Variants in SPAG1 observed in about 807,000 individuals in gnomAD.
The protein encoded by SPAG1 is sperm associated antigen 1, also known as sperm-associated antigen 1.
Under a neutral mutation model 100.5 loss-of-function variants are expected in SPAG1, and 69 were observed. That is an observed-to-expected ratio of 0.69 (90% CI 0.57 to 0.84). SPAG1 has a LOEUF of 0.84. Ranked by LOEUF, SPAG1 falls within the 40% of genes least tolerant of loss-of-function variation. The pLI is 0.00. For missense variants in SPAG1, 955 were observed against 1,133.1 expected, an observed-to-expected ratio of 0.84 and a Z score of 2.26; for synonymous variants, 336 against 411.6, an observed-to-expected ratio of 0.82 and a Z score of 2.22.
intron 3 of SPAG1, among the ~76,000 whole-genome samples, chr8:100,176,217 T>C (rs1284535374): frequency 6.6e-6 from 1 of 152,246 alleles, no homozygotes; most frequent in Non-Finnish European, 1.5e-5. Flanking sequence ...CCAAACCTTT[T>C]TCTAAAATTC....
intron 10 of SPAG1, among the ~76,000 whole-genome samples, chr8:100,195,703 C>T (rs769335882): frequency 3.3e-5 from 5 of 152,110 alleles, no homozygotes; most frequent in Non-Finnish European, 5.9e-5. Context: ...TAAATCTTAT[C>T]TGAAGTGAGA....
At chr8:100,235,110 G>A (rs370222865) in intron 16 of SPAG1, among the ~76,000 whole-genome samples, 107 of 152,248 alleles carry the variant, frequency 7.0e-4, no homozygotes, top group Middle Eastern at 3.4e-3. Flanking sequence ...CTCAGCTTGC[G>A]GTGTTAATAG....
At chr8:100,188,569 C>T (rs2132272275) in intron 8 of SPAG1, among the ~76,000 whole-genome samples, 1 of 152,220 alleles carries the variant, frequency 6.6e-6, no homozygotes, top group South Asian at 2.1e-4. Flanking sequence ...ATTTTGATTC[C>T]CTGTCCCTCT....
chr8:100,218,510 GT>G lies in SPAG1; in HGVS notation c.1536-1768del, dbSNP rs1449472404. Among the ~76,000 whole-genome samples, 34 of 152,328 alleles carry G rather than the reference GT, an allele frequency of 2.2e-4. No individual in the cohort carries two copies. The East Asian group carries it at 6.5e-3, about 29-fold the overall frequency. ...ATTAAACTAAGCTAAATTTAAGGCA[GT>G]GGTACAGGTGACAGATCCTGATGCC... is the stretch of plus-strand genomic sequence containing the variant. On this transcript the variant is annotated intron_variant, in intron 12 of 18. Coordinates refer to ENST00000388798, the MANE Select transcript of SPAG1 (RefSeq NM_003114.5).
chr8:100,210,963 G>C (rs1277722656), intron 10 of SPAG1, among the ~76,000 whole-genome samples: 1 of 151,898 alleles, frequency 6.6e-6, no homozygotes, highest in African/African-American at 2.4e-5. Context: ...TGAGTAGCTG[G>C]GATTACAGGC....
chr8:100,167,980 T>C (rs1815640274), intron 3 of SPAG1, among the ~76,000 whole-genome samples: 1 of 152,250 alleles, frequency 6.6e-6, no homozygotes, highest in South Asian at 2.1e-4. Flanking sequence ...TGTTGTTGCA[T>C]GTGTCCATAG....
chr8:100,182,123 C>T (rs1442591461), intron 4 of SPAG1, among the ~76,000 whole-genome samples: 1 of 152,212 alleles, frequency 6.6e-6, no homozygotes, highest in Non-Finnish European at 1.5e-5. Flanking sequence ...TACCTTTCTT[C>T]AGACTATATA....
At chr8:100,208,941 G>C (rs3104189) in intron 10 of SPAG1, among the ~76,000 whole-genome samples, 68,792 of 151,896 alleles carry the variant, frequency 0.45, 16,700 homozygotes, top group African/African-American at 0.62. Context: ...GTGTCAACTT[G>C]ATTGGATTGA....
At chr8:100,170,426 T>C (rs1815762853) in intron 3 of SPAG1, among the ~76,000 whole-genome samples, 1 of 152,316 alleles carries the variant, frequency 6.6e-6, no homozygotes, top group African/African-American at 2.4e-5. Flanking sequence ...CAGTTTTGAG[T>C]GTACAGTTCA....
At chr8:100,240,284 G>T in intron 17 of SPAG1, 119 bp from the exon 18 acceptor site, 2 of 875,490 alleles carry the variant, frequency 2.3e-6, no homozygotes, top group South Asian at 2.6e-5. Flanking sequence ...TTTTCACTTG[G>T]AACTGGACTA....
Position 100,177,879 on chromosome 8 carries a change from C to T in SPAG1, c.364C>T (p.Pro122Ser), listed in dbSNP as rs1563776115. The change falls in exon 4 of 19, where the codon CCA becomes TCA. Residue 122 changes from proline (P) to serine (S), a missense_variant. By Grantham distance (74) the Pro-to-Ser change is moderately conservative. Coordinates refer to ENST00000388798, the MANE Select transcript of SPAG1 (RefSeq NM_003114.5). ...GCACTTTCATGAAACTGAGACATTTCCAGCAATGAAAGATAATTTGCCTCC... is the reference window on the plus strand; with the variant it reads ...GCACTTTCATGAAACTGAGACATTTTCAGCAATGAAAGATAATTTGCCTCC... Reference protein sequence around the residue: ...KMHFHETETFPAMKDNLPPVR... With the variant: ...KMHFHETETFSAMKDNLPPVR... 1.9e-6 allele frequency: 3 copies of T among 1,600,336 alleles called. No homozygotes were observed. The highest frequency in any genetic ancestry group is 2.6e-6 in the Non-Finnish European group (3 of 1,167,744).
At chr8:100,217,054 A>G (rs1818029076) in intron 12 of SPAG1, among the ~76,000 whole-genome samples, 1 of 149,026 alleles carries the variant, frequency 6.7e-6, no homozygotes, top group Admixed American at 6.8e-5. Context: ...CTCCTGCCTC[A>G]GCCTCCCGAG....
chr8:100,233,253 C>A, intron 15 of SPAG1, 158 bp from the exon 16 acceptor site: 1 of 733,524 alleles, frequency 1.4e-6, no homozygotes, highest in Non-Finnish European at 2.3e-6. Context: ...GTTGTATGCC[C>A]AGTGCCATAA....
intron 8 of SPAG1, among the ~76,000 whole-genome samples, chr8:100,190,312 C>CA (rs551371158): frequency 0.014 from 1,010 of 73,884 alleles, 7 homozygotes; most frequent in East Asian, 0.033. Flanking sequence ...GACTCTGTCT[C>CA]AAAAAAAAAA....
chr8:100,198,353 C>T (rs1386349116), intron 10 of SPAG1, among the ~76,000 whole-genome samples: 3 of 151,838 alleles, frequency 2.0e-5, no homozygotes, highest in Non-Finnish European at 4.4e-5. Flanking sequence ...ATAAAAAAAA[C>T]TAAAAGACAA....
chr8:100,186,238 C>A (rs1052298908), intron 7 of SPAG1, among the ~76,000 whole-genome samples: 2 of 151,594 alleles, frequency 1.3e-5, no homozygotes, highest in African/African-American at 2.4e-5. Context: ...GGATAATTTT[C>A]TCTTGTGTTT....
At chr8:100,208,870 A>C (rs1415321974) in intron 10 of SPAG1, among the ~76,000 whole-genome samples, 3 of 152,152 alleles carry the variant, frequency 2.0e-5, no homozygotes, top group Non-Finnish European at 4.4e-5. Context: ...GATTATGTAT[A>C]ATCTCAGGAA....
At chr8:100,234,222 A>G (rs571866327) in intron 16 of SPAG1, among the ~76,000 whole-genome samples, 2 of 152,322 alleles carry the variant, frequency 1.3e-5, no homozygotes, top group South Asian at 4.1e-4. Flanking sequence ...TTTTAAGCTC[A>G]ATTTTATTAA....
At chr8:100,190,137 C>T (rs867990347) in intron 8 of SPAG1, among the ~76,000 whole-genome samples, 28 of 151,974 alleles carry the variant, frequency 1.8e-4, no homozygotes, top group Middle Eastern at 3.4e-3. Context: ...GGTGAAACCC[C>T]GTCTCTACTA....
Sources: gnomAD v4.1 joint callset for allele counts (sites outside exome capture counted in the v4.1 genomes callset) on GRCh38, gnomAD v4.1.1 for gene constraint, MANE v1.5 for transcripts, NCBI Gene and HGNC (gene_info 2026-07-23, HGNC 2026-07-21) for gene names.